The following PPM1G variants were observed in gnomAD, a reference collection of about 807,000 sequenced individuals.
The protein encoded by PPM1G is protein phosphatase 1G.
A neutral mutation model predicts 59.4 loss-of-function variants in PPM1G; 12 were observed. The observed-to-expected ratio is 0.20, with a 90% CI of 0.13 to 0.33. PPM1G has a LOEUF of 0.33. Ranked by LOEUF, PPM1G falls within the 10% of genes least tolerant of loss-of-function variation. The pLI is 1.00. For missense variants in PPM1G, 392 were observed against 681.3 expected (o/e 0.58, Z 4.73); for synonymous variants, 245 against 251.9 (o/e 0.97, Z 0.26).
At chr2:27,403,488 T>C (rs1454584624) in intron 1 of PPM1G, among the ~76,000 whole-genome samples, 5 of 152,188 alleles carry the variant, frequency 3.3e-5, no homozygotes, top group Admixed American at 2.0e-4. Flanking sequence ...CTCATGGGCA[T>C]ACATGTGATA....
intron 1 of PPM1G, chr2:27,392,661 C>G: frequency 1.6e-6 from 1 of 621,172 alleles, no homozygotes; most frequent in Non-Finnish European, 2.9e-6. Context: ...TGGTACAAAT[C>G]AAAGAACTTA....
At position 27,381,409 on chromosome 2, in the gene PPM1G, G is replaced by A; in HGVS notation, c.*190C>T. 1 of 626,162 alleles carries A rather than the reference G, an allele frequency of 1.6e-6. No individual in the cohort carries two copies. The highest frequency in any genetic ancestry group is 2.8e-6 in the Non-Finnish European group (1 of 355,764). The allele number at this position is 626,162 out of a possible 1,614,324, so 38.8% of individuals were successfully genotyped here. A position where few individuals can be genotyped will look rare whatever the true frequency, so the allele number is the denominator to read the frequency against. On this transcript the variant is annotated 3_prime_UTR_variant, in exon 10 of 10. Transcript: ENST00000344034. ...ATGAGCCCGAGGAGCAGAGGCGGCT[G>A]GGAAGGACAGCAGAGGCTCCCGGCT...
intron 2 of PPM1G, chr2:27,386,647 C>T: frequency 1.1e-5 from 2 of 179,582 alleles, no homozygotes; most frequent in Non-Finnish European, 2.4e-5. Context: ...CTCCACCTCC[C>T]AGGTTCAAGC....
At position 27,381,697 on chromosome 2, in the gene PPM1G, G is replaced by GTTTCT; in HGVS notation, c.1542_1543insAGAAA (p.Pro515ArgfsTer10). The GTTTCT allele has an allele frequency of 6.2e-7, 1 of 1,614,002 alleles. No individual in the cohort carries two copies. Among genetic ancestry groups the GTTTCT allele is most frequent in the Non-Finnish European group, 8.5e-7 (1 of 1,180,022 alleles). On this transcript the variant is annotated frameshift_variant, in exon 10 of 10. Coordinates refer to ENST00000344034, the MANE Select transcript of PPM1G (RefSeq NM_177983.3). LOFTEE classifies it high-confidence loss of function. The stretch of plus-strand genomic sequence containing the variant: ...TCTAGTTTTCGCTTGCCACTCTCTG[G>GTTTCT]CTGGAGCTCTGCTGTGTTTCGGGGC...
intron 1 of PPM1G, among the ~76,000 whole-genome samples, chr2:27,402,455 C>T (rs1173422082): frequency 1.3e-5 from 2 of 152,132 alleles, no homozygotes; most frequent in East Asian, 3.8e-4. Context: ...TTGAGGAATA[C>T]GTTCTGATTG....
chr2:27,408,994 T>A (rs1296530350), intron 1 of PPM1G, among the ~76,000 whole-genome samples: 1 of 152,248 alleles, frequency 6.6e-6, no homozygotes, highest in Non-Finnish European at 1.5e-5. Flanking sequence ...ACACCGTTGA[T>A]GAGCCTGGAG....
intron 1 of PPM1G, among the ~76,000 whole-genome samples, 196 bp from the exon 2 acceptor site, chr2:27,387,354 AAAGG>A (rs1400662694): frequency 6.6e-6 from 1 of 152,190 alleles, no homozygotes; most frequent in Non-Finnish European, 1.5e-5. Flanking sequence ...GGGAAGGAGA[AAAGG>A]AAGAAAGAAT....
intron 1 of PPM1G, among the ~76,000 whole-genome samples, chr2:27,406,517 G>A (rs777935682): frequency 1.3e-5 from 2 of 152,156 alleles, no homozygotes; most frequent in Non-Finnish European, 2.9e-5. Context: ...CAGCACATTA[G>A]CAAGATTTTA....
chr2:27,381,994 C>A, intron 9 of PPM1G, 132 bp downstream of exon 9: 1 of 1,061,878 alleles, frequency 9.4e-7, no homozygotes, highest in Non-Finnish European at 1.4e-6. Flanking sequence ...GAAGGTGGAA[C>A]TTTGGAGTCG....
chr2:27,384,858 A>C lies in PPM1G; in HGVS notation c.640T>G (p.Phe214Val). 3.1e-6 allele frequency: 5 copies of C among 1,614,184 alleles called. No individual in the cohort carries two copies. The highest frequency in any genetic ancestry group is 4.2e-6 in the Non-Finnish European group (5 of 1,180,036). Reference sequence around the variant, plus strand: ...GTCCCACGTTCCGAGTTGGAGGAAAAGCCTGTGTAGGCCTTGGCTGTGGGG... The same window carrying C: ...GTCCCACGTTCCGAGTTGGAGGAAACGCCTGTGTAGGCCTTGGCTGTGGGG... ...NGPTAKAYTGFSSNSERGTEA... is the reference protein window; with the variant it reads ...NGPTAKAYTGVSSNSERGTEA... The change falls in exon 5 of 10, where the codon TTT (phenylalanine) becomes GTT (valine). Residue 214 changes from phenylalanine to valine, a missense_variant. Transcript: ENST00000344034. The surrounding 1 kb of genome is among the most constrained non-coding windows in gnomAD (Gnocchi z 4.8).
chr2:27,387,267 C>A (rs916155976), intron 1 of PPM1G, 109 bp from the exon 2 acceptor site: 15 of 757,852 alleles, frequency 2.0e-5, no homozygotes, highest in Middle Eastern at 2.4e-4. Flanking sequence ...GCCTATATGG[C>A]CTAGAAATAA....
At chr2:27,404,816 C>T (rs957184645) in intron 1 of PPM1G, among the ~76,000 whole-genome samples, 2 of 151,538 alleles carry the variant, frequency 1.3e-5, no homozygotes, top group Non-Finnish European at 1.5e-5. Flanking sequence ...TGGTGGCAGG[C>T]GCCTGTAATC....
chr2:27,399,779 C>G (rs1044637712), intron 1 of PPM1G, among the ~76,000 whole-genome samples: 85 of 152,126 alleles, frequency 5.6e-4, no homozygotes, highest in African/African-American at 1.8e-3. Context: ...ATATTGCTGG[C>G]AGGAATGTAC....
chr2:27,403,068 G>A (rs918365918), intron 1 of PPM1G, among the ~76,000 whole-genome samples: 8 of 151,904 alleles, frequency 5.3e-5, no homozygotes, highest in Non-Finnish European at 7.4e-5. Context: ...TGAAGGAACC[G>A]GCACAAGAAA....
intron 1 of PPM1G, among the ~76,000 whole-genome samples, chr2:27,401,971 T>TAA (rs2148427105): frequency 6.6e-6 from 1 of 152,268 alleles, no homozygotes; most frequent in East Asian, 1.9e-4. Flanking sequence ...GAACCATATG[T>TAA]GGTATGAACC....
rs149317848 is a variant in PPM1G at position 27,386,469 on chromosome 2, T to A, written c.191-190A>T. ...CAAAAAAATGGATTTCACCATCAAT[T>A]CTCTCGGGTATAAATATCTCGTCTT... is the stretch of plus-strand genomic sequence containing the variant. On this transcript the variant is annotated intron_variant, in intron 2 of 9. Transcript: ENST00000344034. 318 of 452,888 alleles carry A rather than the reference T, an allele frequency of 7.0e-4. 3 individuals are homozygous for A. In the East Asian group the frequency reaches 0.01, roughly 14 times the overall value. 28.1% of individuals were successfully genotyped at this position (452,888 alleles called of 1,614,324 possible).
In PPM1G at chr2:27,384,998, C is replaced by T; in HGVS notation, c.500G>A (p.Gly167Asp). The T allele has an allele frequency of 1.2e-6, 2 of 1,614,154 alleles. No individual in the cohort carries two copies. Among genetic ancestry groups the T allele is most frequent in the Non-Finnish European group, 1.7e-6 (2 of 1,180,026 alleles). The change falls in exon 5 of 10, where the codon GGC becomes GAC. Residue 167 changes from glycine to aspartate, a missense_variant. Physicochemically the swap from Gly to Asp is moderately conservative, Grantham distance 94 (BLOSUM62 -1). Around this residue, in one of 6 missense-constraint regions of PPM1G, gnomAD observed 188 missense variants for 248.8 expected, o/e 0.76. Transcript: ENST00000344034. The surrounding 1 kb of genome is among the most constrained non-coding windows in gnomAD (Gnocchi z 4.8). Reference protein sequence around the residue: ...LTRYGQNCHKGPPHSKSGGGT... With the variant: ...LTRYGQNCHKDPPHSKSGGGT... ...ACCTCCAGATTTGCTGTGGGGAGGG[C>T]CCTTGTGACAGTTCTGCCCGTAGCG...
In PPM1G at chr2:27,383,561, T is replaced by G; in HGVS notation, c.1006A>C (p.Ile336Leu). ...GCTACAATCAACTGCTTCCCTCGTA[T>G]CAGGGCCACCACCGCTGTTGTACCA... ...DSGTTAVVAL[I>L]RGKQLIVANA... The change falls in exon 7 of 10, where the codon ATA (isoleucine) becomes CTA (leucine). Residue 336 changes from isoleucine (I) to leucine (L), a missense_variant. Transcript: ENST00000344034. This position sits in a 1 kb window ranked among gnomAD's most constrained non-coding sequence, Gnocchi z 5.0. 2 of 1,614,046 alleles carry G rather than the reference T, an allele frequency of 1.2e-6. No homozygotes were observed. The highest frequency in any genetic ancestry group is 2.7e-5 in the African/African-American group (2 of 74,998).
At chr2:27,386,108 G>A in intron 3 of PPM1G, 86 bp downstream of exon 3, 1 of 1,345,524 alleles carries the variant, frequency 7.4e-7, no homozygotes, top group East Asian at 2.3e-5. Flanking sequence ...AGCAGCTAGA[G>A]GACAAAAAGA....
Sources: allele counts gnomAD v4.1 joint callset (sites outside exome capture counted in the v4.1 genomes callset), GRCh38; gene constraint gnomAD v4.1.1; regional missense constraint gnomAD v4.1.1; non-coding constraint Gnocchi (gnomAD v3.1); transcripts MANE v1.5; gene names NCBI Gene and HGNC (gene_info 2026-07-23, HGNC 2026-07-21).